Variants in RBFOX1 observed in about 807,000 individuals in gnomAD.
RBFOX1 encodes RNA binding protein fox-1 homolog 1.
A neutral mutation model predicts 57.7 loss-of-function variants in RBFOX1; 8 were observed. The ratio of observed to expected loss-of-function variants is 0.14; its 90% CI spans 0.08 to 0.25. The LOEUF is 0.25. Among genes scored for constraint, RBFOX1 ranks in the 10% least tolerant of loss-of-function variants. The probability of loss-of-function intolerance (pLI) is 1.00; values close to 1 mark genes in which losing one functional copy is unlikely to be tolerated. For synonymous variants in RBFOX1, 326 were observed against 222.4 expected (o/e 1.47, Z -4.15); for missense variants, 611 against 548.5 (o/e 1.11, Z -1.14).
intron 2 of RBFOX1, among the ~76,000 whole-genome samples, chr16:5,593,846 G>A (rs181217153): frequency 5.2e-4 from 79 of 152,094 alleles, no homozygotes; most frequent in Middle Eastern, 3.4e-3. Flanking sequence ...TTTCTTGCGC[G>A]AGATCCAAGA....
chr16:5,699,143 A>G (rs1250972441), intron 3 of RBFOX1, among the ~76,000 whole-genome samples: 5 of 152,000 alleles, frequency 3.3e-5, no homozygotes, highest in Non-Finnish European at 7.4e-5. Context: ...GCATGCCACC[A>G]CACCCAGCTA....
chr16:5,953,346 G>T (rs2059558141), intron 4 of RBFOX1, among the ~76,000 whole-genome samples: 1 of 151,018 alleles, frequency 6.6e-6, no homozygotes, highest in Non-Finnish European at 1.5e-5. Flanking sequence ...ATTTCCATAG[G>T]TTATTTGGGG....
intron 2 of RBFOX1, among the ~76,000 whole-genome samples, chr16:5,499,639 C>G (rs1014669251): frequency 2.0e-5 from 3 of 151,052 alleles, no homozygotes; most frequent in African/African-American, 7.3e-5. Flanking sequence ...GTGGTGTGAT[C>G]TCAGCTCACT....
At chr16:6,383,149 C>G (rs1596390948) in intron 2 of RBFOX1, among the ~76,000 whole-genome samples, 1 of 152,222 alleles carries the variant, frequency 6.6e-6, no homozygotes, top group South Asian at 2.1e-4. Context: ...GCTTCGCTCC[C>G]ACAACATTTT....
Position 6,968,123 on chromosome 16 carries a change from C to T in RBFOX1, c.-15-83934C>T, listed in dbSNP as rs184584028. ...ATCTGTGGCTCTGAACTTGCAACCC[C>T]GCACAGACACCACCGCTAGACTCGG... On this transcript the variant is annotated intron_variant, in intron 3 of 15. Coordinates refer to ENST00000550418, the MANE Select transcript of RBFOX1 (RefSeq NM_018723.4). 6.8e-4 allele frequency among the ~76,000 whole-genome samples: 103 copies of T among 152,178 alleles called. 1 individual carries two copies. Among genetic ancestry groups the T allele is most frequent in the Non-Finnish European group, 1.1e-3 (78 of 67,998 alleles).
intron 4 of RBFOX1, among the ~76,000 whole-genome samples, chr16:7,340,886 T>A (rs767441955): frequency 2.6e-5 from 4 of 152,192 alleles, no homozygotes; most frequent in Non-Finnish European, 4.4e-5. Context: ...CAGCCATCTG[T>A]CATTTTGATC....
At chr16:5,620,776 T>G (rs2048178482) in intron 3 of RBFOX1, among the ~76,000 whole-genome samples, 1 of 152,192 alleles carries the variant, frequency 6.6e-6, no homozygotes, top group South Asian at 2.1e-4. Flanking sequence ...CTTCCTGGGC[T>G]CAAGTGATCC....
chr16:7,272,391 G>A (rs1237779651), intron 4 of RBFOX1, among the ~76,000 whole-genome samples: 2 of 152,088 alleles, frequency 1.3e-5, no homozygotes, highest in Non-Finnish European at 2.9e-5. Context: ...CGCCATGTTG[G>A]CCAGGTTGGG....
intron 1 of RBFOX1, among the ~76,000 whole-genome samples, chr16:6,165,869 A>G (rs2152754103): frequency 6.6e-6 from 1 of 152,298 alleles, no homozygotes; most frequent in South Asian, 2.1e-4. Context: ...AGGAGAGGCA[A>G]ATGGTAAAAT....
chr16:6,421,223 C>T (rs139726245), intron 2 of RBFOX1, among the ~76,000 whole-genome samples: 6 of 152,258 alleles, frequency 3.9e-5, no homozygotes, highest in East Asian at 1.9e-4. Flanking sequence ...TCCTCTCCTT[C>T]GGGAGGGGAC....
chr16:6,450,793 A>G (rs1237379766), intron 2 of RBFOX1, among the ~76,000 whole-genome samples: 23 of 15,458 alleles, frequency 1.5e-3, no homozygotes, highest in Middle Eastern at 0.029. Context: ...ATATATACAT[A>G]TATATATGTA....
At chr16:6,711,850 T>C (rs1432427859) in intron 3 of RBFOX1, among the ~76,000 whole-genome samples, 1 of 152,160 alleles carries the variant, frequency 6.6e-6, no homozygotes, top group Non-Finnish European at 1.5e-5. Flanking sequence ...TACCCCTAGG[T>C]CTTATTCCTA....
intron 3 of RBFOX1, among the ~76,000 whole-genome samples, chr16:6,962,079 C>G (rs1023546106): frequency 6.6e-6 from 1 of 152,298 alleles, no homozygotes; most frequent in South Asian, 2.1e-4. Context: ...TTTCATGATT[C>G]TGAAGGTCAG....
At chr16:6,765,642 A>T (rs2077219875) in intron 3 of RBFOX1, among the ~76,000 whole-genome samples, 1 of 152,170 alleles carries the variant, frequency 6.6e-6, no homozygotes, top group Non-Finnish European at 1.5e-5. Flanking sequence ...CAATCACTCT[A>T]CCCAATACTG....
chr16:5,504,724 C>T (rs1315304737), intron 2 of RBFOX1, among the ~76,000 whole-genome samples: 4 of 152,234 alleles, frequency 2.6e-5, no homozygotes, highest in African/African-American at 9.6e-5. Context: ...ATCCTCCCTG[C>T]AGCTCTGTGG....
chr16:5,690,988 G>C (rs953512135), intron 3 of RBFOX1, among the ~76,000 whole-genome samples: 1 of 152,182 alleles, frequency 6.6e-6, no homozygotes, highest in African/African-American at 2.4e-5. Flanking sequence ...AGGTAATCCA[G>C]TGCAGCCCAA....
rs376257576 is a variant in RBFOX1 at position 6,605,720 on chromosome 16, C to T, written c.-63-48883C>T. ...AGGGCCTAGATGCTGTGTCAGCGAA[C>T]AGGAGAGATTCAGTCCGTGTGTTCG... On this transcript the variant is annotated intron_variant, in intron 2 of 15. Coordinates refer to ENST00000550418, the MANE Select transcript of RBFOX1 (RefSeq NM_018723.4). Among the ~76,000 whole-genome samples, 66 of 152,306 alleles carry T rather than the reference C, an allele frequency of 4.3e-4. 1 individual carries two copies. The South Asian group carries it at 0.013, about 30-fold the overall frequency.
At chr16:7,101,961 C>G (rs74011028) in intron 4 of RBFOX1, among the ~76,000 whole-genome samples, 1,700 of 152,276 alleles carry the variant, frequency 0.011, 32 homozygotes, top group African/African-American at 0.039. Flanking sequence ...CCTTGTACCA[C>G]AAGCCTAGTG....
intron 1 of RBFOX1, among the ~76,000 whole-genome samples, chr16:5,428,293 T>C (rs920176834): frequency 3.9e-5 from 6 of 152,252 alleles, no homozygotes; most frequent in African/African-American, 1.4e-4. Context: ...TGATTCATGA[T>C]GAGGTTCAAG....
Sources: allele counts gnomAD v4.1 joint callset (sites outside exome capture counted in the v4.1 genomes callset), GRCh38; gene constraint gnomAD v4.1.1; transcripts MANE v1.5; gene names NCBI Gene and HGNC (gene_info 2026-07-23, HGNC 2026-07-21).